Variants in ANKS1B observed in about 807,000 individuals in gnomAD.
ANKS1B encodes ankyrin repeat and sterile alpha motif domain-containing protein 1B.
In ANKS1B, 36 loss-of-function variants were observed where a neutral mutation model predicts 148.3. The observed-to-expected ratio is 0.24, with a 90% CI of 0.19 to 0.32. The LOEUF is 0.32. ANKS1B is among the 10% of genes least tolerant of loss of function. The pLI is 1.00. For synonymous variants in ANKS1B, 542 were observed against 560.8 expected, an observed-to-expected ratio of 0.97 and a Z score of 0.47; for missense variants, 1,157 against 1,542.6, an observed-to-expected ratio of 0.75 and a Z score of 4.19.
At position 99,446,153 on chromosome 12, in the gene ANKS1B, A is replaced by G. The variant is rs539085617; in HGVS notation, c.1439-2344T>C. On this transcript the variant is annotated intron_variant, in intron 10 of 26. Transcript: ENST00000683438. ...GGTGGGGTGGGGGAGTAATCAGACT[A>G]TGGCTTGGACAGAAGATAGCTGTGA... Among the ~76,000 whole-genome samples, 130 of 152,062 alleles carry G rather than the reference A, an allele frequency of 8.5e-4. No homozygotes were observed. In the Middle Eastern group the frequency reaches 0.014, roughly 16 times the overall value.
At chr12:99,480,959 A>G (rs1459111803) in intron 10 of ANKS1B, among the ~76,000 whole-genome samples, 1 of 151,546 alleles carries the variant, frequency 6.6e-6, no homozygotes, top group Non-Finnish European at 1.5e-5. Context: ...TTTGTGTTGG[A>G]TATTTAATTT....
At chr12:99,615,496 T>C (rs956264502) in intron 9 of ANKS1B, among the ~76,000 whole-genome samples, 12 of 151,768 alleles carry the variant, frequency 7.9e-5, no homozygotes, top group Admixed American at 3.3e-4. Flanking sequence ...GGTTTGGGAG[T>C]CTGTCTTTAC....
At chr12:98,740,596 G>C (rs568477809), downstream of ANKS1B, among the ~76,000 whole-genome samples, 3 of 152,304 alleles carry the variant, frequency 2.0e-5, no homozygotes, top group Non-Finnish European at 4.4e-5. Flanking sequence ...ACATGTGTGT[G>C]CTTGTGTTTG....
At chr12:99,946,797 A>C (rs2095073991) in intron 1 of ANKS1B, among the ~76,000 whole-genome samples, 1 of 152,238 alleles carries the variant, frequency 6.6e-6, no homozygotes, top group African/African-American at 2.4e-5. Context: ...TGGGCATGAG[A>C]AGAACATGGC....
At chr12:98,763,510 T>A (rs1267614160) in intron 25 of ANKS1B, among the ~76,000 whole-genome samples, 2 of 152,206 alleles carry the variant, frequency 1.3e-5, no homozygotes, top group Non-Finnish European at 2.9e-5. Context: ...ACGAGATTCC[T>A]TTATCTCCCT....
intron 1 of ANKS1B, among the ~76,000 whole-genome samples, chr12:99,867,088 T>C (rs1260385301): frequency 6.6e-6 from 1 of 152,234 alleles, no homozygotes; most frequent in Non-Finnish European, 1.5e-5. Flanking sequence ...ATCTTAAATT[T>C]TTATTTAAAT....
At position 99,504,520 on chromosome 12, in the gene ANKS1B, T is replaced by G. The variant is rs763109064; in HGVS notation, c.1394A>C (p.Lys465Thr). 1 of 1,612,696 alleles carries G rather than the reference T, an allele frequency of 6.2e-7. No individual in the cohort carries two copies. Among genetic ancestry groups the G allele is most frequent in the Non-Finnish European group, 8.5e-7 (1 of 1,179,456 alleles). ...CCTTGCAATTTCTAAGGAGCAAGGTTTCTTTGTAACAGCTGTGTCCATGAG... is the reference window on the plus strand; with the variant it reads ...CCTTGCAATTTCTAAGGAGCAAGGTGTCTTTGTAACAGCTGTGTCCATGAG... ...CDLMDTAVTKKPCSLEIARAP... is the reference protein window; with the variant it reads ...CDLMDTAVTKTPCSLEIARAP... Residue 465 changes from lysine (K) to threonine (T), a missense_variant, in exon 10 of 27, where the codon AAA (lysine) becomes ACA (threonine). Physicochemically the swap from Lys to Thr is moderately conservative, Grantham distance 78. This residue lies in a region of ANKS1B where 661 missense variants were observed against 642.1 expected (regional missense o/e 1.03). Transcript: ENST00000683438.
intron 8 of ANKS1B, among the ~76,000 whole-genome samples, chr12:99,772,383 C>T (rs1013058390): frequency 1.4e-4 from 22 of 152,162 alleles, no homozygotes; most frequent in Admixed American, 1.1e-3. Flanking sequence ...ATCATAAAGG[C>T]GTTGTCACAG....
chr12:99,701,823 T>G (rs1238046085), intron 8 of ANKS1B, among the ~76,000 whole-genome samples: 1 of 152,156 alleles, frequency 6.6e-6, no homozygotes, highest in African/African-American at 2.4e-5. Flanking sequence ...CTTATTTGAC[T>G]TTATATAACG....
At chr12:99,573,906 A>T (rs1167138869) in intron 9 of ANKS1B, among the ~76,000 whole-genome samples, 2 of 151,740 alleles carry the variant, frequency 1.3e-5, no homozygotes, top group Non-Finnish European at 2.9e-5. Flanking sequence ...TCAAAAAAAA[A>T]ATTTTTTTTA....
rs920214575 is a variant in ANKS1B at position 98,758,449 on chromosome 12, C to G, written c.3580-6927G>C. Among the ~76,000 whole-genome samples, 3 of 152,068 alleles carry G rather than the reference C, an allele frequency of 2.0e-5. No homozygotes were observed. In the East Asian group the frequency reaches 5.8e-4, roughly 29 times the overall value. On this transcript the variant is annotated intron_variant, in intron 25 of 26. Transcript: ENST00000683438. ...CCAATTGAGCTTCCAAGTGACTGAC[C>G]CATCTTGGCTGTGGTGAGGTCACCT...
intron 2 of ANKS1B, among the ~76,000 whole-genome samples, chr12:99,813,689 A>T (rs1240692763): frequency 6.6e-6 from 1 of 151,674 alleles, no homozygotes; most frequent in Non-Finnish European, 1.5e-5. Flanking sequence ...TCATGATTTT[A>T]AAAAAACAAG....
intron 8 of ANKS1B, among the ~76,000 whole-genome samples, chr12:99,691,902 A>G (rs764660678): frequency 1.1e-4 from 17 of 152,210 alleles, no homozygotes; most frequent in Non-Finnish European, 1.8e-4. Context: ...GTGTGTAGTA[A>G]TCTGTTACAC....
intron 12 of ANKS1B, among the ~76,000 whole-genome samples, chr12:99,380,950 G>T (rs147128825): frequency 6.6e-6 from 1 of 152,194 alleles, no homozygotes; most frequent in African/African-American, 2.4e-5. Flanking sequence ...AACAAAGGTG[G>T]GCCCCGAATT....
intron 12 of ANKS1B, among the ~76,000 whole-genome samples, chr12:99,272,704 T>C (rs573503027): frequency 6.6e-6 from 1 of 152,322 alleles, no homozygotes; most frequent in Non-Finnish European, 1.5e-5. Context: ...AATTTGAACA[T>C]AACATACATT....
At chr12:99,067,912 GTGTT>G (rs2044946541) in intron 16 of ANKS1B, among the ~76,000 whole-genome samples, 1 of 151,944 alleles carries the variant, frequency 6.6e-6, no homozygotes, top group East Asian at 1.9e-4. Context: ...GTGTGTATGT[GTGTT>G]TGTCAGTCTA....
chr12:99,577,653 C>T (rs903744746), intron 9 of ANKS1B, among the ~76,000 whole-genome samples: 1 of 151,988 alleles, frequency 6.6e-6, no homozygotes, highest in Non-Finnish European at 1.5e-5. Context: ...CATACAACCT[C>T]CCAAGACTGA....
intron 14 of ANKS1B, among the ~76,000 whole-genome samples, chr12:99,165,640 TACAAA>T (rs1485111837): frequency 2.0e-5 from 3 of 151,830 alleles, no homozygotes; most frequent in African/African-American, 4.8e-5. Context: ...AAAATCTTTA[TACAAA>T]ACAAAACAAA....
chr12:99,076,749 A>C (rs1599511860), intron 16 of ANKS1B, among the ~76,000 whole-genome samples: 1 of 152,172 alleles, frequency 6.6e-6, no homozygotes, highest in East Asian at 1.9e-4. Flanking sequence ...AGTATGGAAA[A>C]GTTCTTAATC....
Sources: gnomAD v4.1 joint callset for allele counts (sites outside exome capture counted in the v4.1 genomes callset) on GRCh38, gnomAD v4.1.1 for gene constraint, gnomAD v4.1.1 regional missense constraint, MANE v1.5 for transcripts, NCBI Gene and HGNC (gene_info 2026-07-23, HGNC 2026-07-21) for gene names.